The following GLB1L3 variants were observed in gnomAD, a reference collection of about 807,000 sequenced individuals.
GLB1L3 encodes beta-galactosidase-1-like protein 3.
In GLB1L3, 89 loss-of-function variants were observed where a neutral mutation model predicts 89.5. That is an observed-to-expected ratio of 0.99 (90% CI 0.84 to 1.19). The LOEUF (loss-of-function observed/expected upper bound fraction) is 1.19. Among genes scored for constraint, GLB1L3 ranks in the 50% most tolerant of loss-of-function variants. The pLI, the probability that GLB1L3 is intolerant of heterozygous loss-of-function variation, is 0.00. For missense variants in GLB1L3, 812 were observed against 813.3 expected, an observed-to-expected ratio of 1.00 and a Z score of 0.02; for synonymous variants, 314 against 312.3, an observed-to-expected ratio of 1.01 and a Z score of -0.06.
At chr11:134,300,343 T>C (rs1440160410) in intron 9 of GLB1L3, among the ~76,000 whole-genome samples, 1 of 151,286 alleles carries the variant, frequency 6.6e-6, no homozygotes, top group African/African-American at 2.4e-5. Context: ...TTTTTTTTTT[T>C]TTTTTTTGAG....
In GLB1L3 at chr11:134,310,623, G is replaced by C. The variant is rs767541493; in HGVS notation, c.1152G>C (p.Lys384Asn). ...GAGATTACACAGAAAAATATCTGAA[G>C]CTTCAAAAACTCTTTCAATCTGTCT... is the stretch of plus-strand genomic sequence containing the variant. ...EAGDYTEKYL[K>N]LQKLFQSVSA... The change falls in exon 12 of 20, where the codon AAG becomes AAC. Residue 384 changes from lysine (K) to asparagine (N), a missense_variant. Around this residue, in one of 3 missense-constraint regions of GLB1L3, gnomAD observed 618 missense variants for 604.0 expected, o/e 1.02. Coordinates refer to ENST00000431683, the MANE Select transcript of GLB1L3 (RefSeq NM_001080407.3). The C allele has an allele frequency of 3.7e-6, 6 of 1,613,504 alleles. No individual in the cohort carries two copies. The East Asian group carries it at 1.1e-4, about 30-fold the overall frequency.
In GLB1L3 at chr11:134,313,851, T is replaced by C. The variant is rs111678020; in HGVS notation, c.1580-90T>C. The C allele has an allele frequency of 3.7e-3, 3,026 of 816,378 alleles. 65 individuals are homozygous for C. In the African/African-American group the frequency reaches 0.044, roughly 12 times the overall value. 50.6% of individuals were successfully genotyped at this position (816,378 alleles called of 1,614,324 possible). ...CTGGCTGTGCCCCTGTCCTAAGGCA[T>C]GTACAAGTCTGCATTGCTTTGTCCC... On this transcript the variant is annotated intron_variant, in intron 16 of 19. Coordinates refer to ENST00000431683, the MANE Select transcript of GLB1L3 (RefSeq NM_001080407.3).
chr11:134,280,478 A>C (rs1299214029), intron 3 of GLB1L3, among the ~76,000 whole-genome samples: 1 of 152,164 alleles, frequency 6.6e-6, no homozygotes, highest in African/African-American at 2.4e-5. Flanking sequence ...TACACAGTTC[A>C]AATCTGTATC....
In GLB1L3 at chr11:134,313,624, G is replaced by A. The variant is rs189472413; in HGVS notation, c.1579+150G>A. On this transcript the variant is annotated intron_variant, in intron 16 of 19. Coordinates refer to ENST00000431683, the MANE Select transcript of GLB1L3 (RefSeq NM_001080407.3). ...AGCAGAGATGCAAAATCGGCCCCTCGCCCTTGTCTTGCCTTCTCTGATCTC... is the reference window on the plus strand; with the variant it reads ...AGCAGAGATGCAAAATCGGCCCCTCACCCTTGTCTTGCCTTCTCTGATCTC... 106 of 715,764 alleles carry A rather than the reference G, an allele frequency of 1.5e-4. No homozygotes were observed. In the African/African-American group the frequency reaches 1.7e-3, roughly 12 times the overall value. The allele number at this position is 715,764 out of a possible 1,614,324, so 44.3% of individuals were successfully genotyped here.
chr11:134,314,287 G>A, intron 17 of GLB1L3, 43 bp from the exon 18 acceptor site: 1 of 1,380,254 alleles, frequency 7.2e-7, no homozygotes, highest in South Asian at 1.3e-5. Flanking sequence ...AACTGGGTTG[G>A]GAAGGGGACT....
At position 134,276,721 on chromosome 11, in the gene GLB1L3, G is replaced by T; in HGVS notation, c.-20G>T. 4.2e-6 allele frequency: 6 copies of T among 1,445,106 alleles called. No individual in the cohort carries two copies. Among genetic ancestry groups the T allele is most frequent in the Non-Finnish European group, 5.5e-6 (6 of 1,100,424 alleles). 89.5% of individuals were successfully genotyped at this position (1,445,106 alleles called of 1,614,324 possible). On this transcript the variant is annotated 5_prime_UTR_variant, in exon 1 of 20. Transcript: ENST00000431683. ...GGGGCGGAAGCCGCAAGGGACCCTC[G>T]GCGCCTCGGCCTGGCCGCGATGAAG...
In GLB1L3 at chr11:134,308,404, TCACCAC is replaced by T. The variant is rs1334704618; in HGVS notation, c.961+1205_962-1208del. Among the ~76,000 whole-genome samples, 37 of 32,118 alleles carry T rather than the reference TCACCAC, an allele frequency of 1.2e-3. 1 individual carries two copies. Among genetic ancestry groups the T allele is most frequent in the African/African-American group, 1.6e-3 (8 of 4,976 alleles). The allele number at this position is 32,118 out of a possible 152,430, so 21.1% of individuals were successfully genotyped here. A position where few individuals can be genotyped will look rare whatever the true frequency, so the allele number is the denominator to read the frequency against. On this transcript the variant is annotated intron_variant, in intron 10 of 19. Transcript: ENST00000431683. ...ATCACCACCATCACCACCATCACCA[TCACCAC>T]CACCACCATCATCACCATCACCACC...
intron 13 of GLB1L3, chr11:134,312,127 A>G (rs1004171302): frequency 1.3e-4 from 69 of 549,828 alleles, no homozygotes; most frequent in African/African-American, 1.0e-3. Context: ...TCTTAGGATT[A>G]TAACGATTGC....
intron 3 of GLB1L3, 62 bp from the exon 4 acceptor site, chr11:134,281,315 C>G: frequency 6.3e-7 from 1 of 1,598,910 alleles, no homozygotes; most frequent in Non-Finnish European, 8.6e-7. Context: ...TTGGGGCAGA[C>G]CTAACAATTT....
intron 9 of GLB1L3, among the ~76,000 whole-genome samples, chr11:134,301,024 T>TC (rs1400465140): frequency 6.6e-6 from 1 of 152,166 alleles, no homozygotes; most frequent in Non-Finnish European, 1.5e-5. Flanking sequence ...CATCAGGGTG[T>TC]CAGCCGCCAT....
At chr11:134,287,939 A>G (rs1460410301) in intron 6 of GLB1L3, among the ~76,000 whole-genome samples, 1 of 152,196 alleles carries the variant, frequency 6.6e-6, no homozygotes, top group East Asian at 1.9e-4. Context: ...AAAGCTGGCC[A>G]TTTATGCTGT....
At position 134,314,461 on chromosome 11, in the gene GLB1L3, G is replaced by C. The variant is rs936961589; in HGVS notation, c.1779+20G>C. On this transcript the variant is annotated intron_variant, in intron 18 of 19. Coordinates refer to ENST00000431683, the MANE Select transcript of GLB1L3 (RefSeq NM_001080407.3). ...CTGCTGGTAGGTGATGCCCTCTGCT[G>C]CCCTGGTGTTCCAAACACCAATTTT... 2.8e-6 allele frequency: 4 copies of C among 1,452,304 alleles called. No individual in the cohort carries two copies. Among genetic ancestry groups the C allele is most frequent in the Non-Finnish European group, 3.8e-6 (4 of 1,056,418 alleles). 90.0% of individuals were successfully genotyped at this position (1,452,304 alleles called of 1,614,324 possible).
chr11:134,286,695 T>G (rs917571066), intron 6 of GLB1L3, among the ~76,000 whole-genome samples: 1 of 150,998 alleles, frequency 6.6e-6, no homozygotes, highest in Middle Eastern at 3.6e-3. Context: ...GAGAATGACG[T>G]GAACCCGGGG....
intron 18 of GLB1L3, 91 bp from the exon 19 acceptor site, chr11:134,318,540 A>G: frequency 1.4e-6 from 1 of 737,290 alleles, no homozygotes; most frequent in Non-Finnish European, 2.4e-6. Flanking sequence ...GCCATAAAGT[A>G]TCTCAATCTT....
chr11:134,291,487 C>G (rs576900), intron 7 of GLB1L3, among the ~76,000 whole-genome samples: 46,081 of 151,940 alleles, frequency 0.3, 7,277 homozygotes, highest in South Asian at 0.47. Flanking sequence ...CTCAAATGAT[C>G]TGCCTGCCTT....
At chr11:134,304,444 G>C (rs1591571094) in intron 9 of GLB1L3, among the ~76,000 whole-genome samples, 1 of 152,048 alleles carries the variant, frequency 6.6e-6, no homozygotes, top group East Asian at 1.9e-4. Flanking sequence ...TCTCTTTAGG[G>C]ACACAAGTTA....
Position 134,288,875 on chromosome 11 carries a change from G to A in GLB1L3, c.714G>A (p.Met238Ile), listed in dbSNP as rs1941178454. The A allele has an allele frequency of 6.2e-7, 1 of 1,611,824 alleles. No individual in the cohort carries two copies. The highest frequency in any genetic ancestry group is 8.5e-7 in the Non-Finnish European group (1 of 1,178,640). Reference protein sequence around the residue: ...YGSFNKDKTYMPYLHKALLRR... With the variant: ...YGSFNKDKTYIPYLHKALLRR... ...CATTCAATAAGGATAAAACATACAT[G>A]CCGTATCTCCACAAGGTAAGAGGGC... The change falls in exon 7 of 20, where the codon ATG becomes ATA. Residue 238 changes from methionine (M) to isoleucine (I), a missense_variant. Met to Ile is a conservative substitution (Grantham distance 10, BLOSUM62 1). Transcript: ENST00000431683.
chr11:134,312,603 A>G, intron 14 of GLB1L3, 114 bp downstream of exon 14: 1 of 1,323,832 alleles, frequency 7.6e-7, no homozygotes. Flanking sequence ...ACTATATGGG[A>G]GGCATTGGGA....
In GLB1L3 at chr11:134,318,689, T is replaced by C. The variant is rs868134672; in HGVS notation, c.1838T>C (p.Ile613Thr). The change falls in exon 19 of 20, where the codon ATT becomes ACT. Residue 613 changes from isoleucine (I) to threonine (T), a missense_variant. Around this residue, in one of 3 missense-constraint regions of GLB1L3, gnomAD observed 618 missense variants for 604.0 expected, o/e 1.02. Transcript: ENST00000431683. ...CGTAACCTTGGGCGATATTGGAATA[T>C]TGGGCCTCAGAAAACACTGTACCTT... ...NGRNLGRYWN[I>T]GPQKTLYLPG... 2 of 1,613,274 alleles carry C rather than the reference T, an allele frequency of 1.2e-6. No homozygotes were observed. The highest frequency in any genetic ancestry group is 1.7e-6 in the Non-Finnish European group (2 of 1,179,458).
Sources: gnomAD v4.1 joint callset for allele counts (sites outside exome capture counted in the v4.1 genomes callset) on GRCh38, gnomAD v4.1.1 for gene constraint, gnomAD v4.1.1 regional missense constraint, MANE v1.5 for transcripts, NCBI Gene and HGNC (gene_info 2026-07-23, HGNC 2026-07-21) for gene names.